DOCK10: variants seen among roughly 807,000 people sequenced by gnomAD.
The protein encoded by DOCK10 is dedicator of cytokinesis protein 10.
In DOCK10, 145 loss-of-function variants were observed where a neutral mutation model predicts 280.1. The ratio of observed to expected loss-of-function variants is 0.52; its 90% CI spans 0.45 to 0.59. The LOEUF (loss-of-function observed/expected upper bound fraction) is 0.59, where lower values mean the gene tolerates loss of function less well. Ranked by LOEUF, DOCK10 falls within the 20% of genes least tolerant of loss-of-function variation. DOCK10 has a pLI of 0.00. For synonymous variants in DOCK10, 915 were observed against 942.2 expected, an observed-to-expected ratio of 0.97 and a Z score of 0.53; for missense variants, 2,368 against 2,651.7, an observed-to-expected ratio of 0.89 and a Z score of 2.35.
At chr2:224,916,951 T>C (rs999604764) in intron 2 of DOCK10, among the ~76,000 whole-genome samples, 167 bp from the exon 3 acceptor site, 1 of 152,184 alleles carries the variant, frequency 6.6e-6, no homozygotes, top group Non-Finnish European at 1.5e-5. Flanking sequence ...GGAGAGAAGA[T>C]GTGGACATTT....
chr2:224,926,730 C>T (rs1702064670), intron 2 of DOCK10, among the ~76,000 whole-genome samples: 2 of 152,192 alleles, frequency 1.3e-5, no homozygotes, highest in South Asian at 4.1e-4. Context: ...TTACTTCATC[C>T]TCTTTGTTCT....
chr2:224,802,400 A>T (rs1374487101), intron 39 of DOCK10, among the ~76,000 whole-genome samples: 2 of 152,194 alleles, frequency 1.3e-5, no homozygotes, highest in African/African-American at 4.8e-5. Context: ...AAAGTACAAT[A>T]TTGTACAGCT....
intron 40 of DOCK10, among the ~76,000 whole-genome samples, chr2:224,800,990 G>A (rs1438680203): frequency 1.3e-5 from 2 of 152,126 alleles, no homozygotes; most frequent in African/African-American, 2.4e-5. Flanking sequence ...TCTGATTGGC[G>A]ATTGGTAGAA....
chr2:224,911,418 A>AGAATAGTCC (rs2125914350), intron 3 of DOCK10, among the ~76,000 whole-genome samples: 1 of 152,324 alleles, frequency 6.6e-6, no homozygotes, highest in Non-Finnish European at 1.5e-5. Flanking sequence ...TGGGAACCCT[A>AGAATAGTCC]GAATAGTCCT....
At chr2:224,872,210 T>C (rs1248864003) in intron 11 of DOCK10, among the ~76,000 whole-genome samples, 1 of 152,234 alleles carries the variant, frequency 6.6e-6, no homozygotes, top group African/African-American at 2.4e-5. Context: ...TATCAATAAC[T>C]TGCATGCAGT....
intron 16 of DOCK10, 92 bp downstream of exon 16, chr2:224,854,871 C>A (rs1697000901): frequency 4.4e-6 from 4 of 919,292 alleles, no homozygotes; most frequent in Non-Finnish European, 6.5e-6. Context: ...AACCAACCAA[C>A]CAACCAACCA....
intron 1 of DOCK10, among the ~76,000 whole-genome samples, chr2:225,034,651 T>C (rs1387722816): frequency 6.6e-6 from 1 of 152,198 alleles, no homozygotes; most frequent in Non-Finnish European, 1.5e-5. Flanking sequence ...ACCCCTCTTA[T>C]TTCCCAATAG....
intron 10 of DOCK10, 35 bp downstream of exon 10, chr2:224,874,231 A>G: frequency 6.2e-7 from 1 of 1,602,844 alleles, no homozygotes; most frequent in East Asian, 2.2e-5. Flanking sequence ...TGTATGGATC[A>G]AGTTCATATC....
intron 1 of DOCK10, among the ~76,000 whole-genome samples, chr2:225,037,590 C>T (rs1435196801): frequency 2.0e-5 from 3 of 152,200 alleles, no homozygotes; most frequent in African/African-American, 4.8e-5. Flanking sequence ...ACATGTTTAA[C>T]CCTATGAGTC....
intron 1 of DOCK10, among the ~76,000 whole-genome samples, chr2:224,959,414 A>C (rs1055150769): frequency 4.7e-5 from 7 of 149,792 alleles, no homozygotes; most frequent in East Asian, 2.0e-4. Context: ...ACCGGACCCC[A>C]AAAAATAAGC....
intron 1 of DOCK10, among the ~76,000 whole-genome samples, chr2:224,967,157 G>A (rs1704805353): frequency 6.7e-6 from 1 of 150,128 alleles, no homozygotes; most frequent in South Asian, 2.1e-4. Context: ...TCGGCTCACT[G>A]CAAGCTCCAC....
intron 4 of DOCK10, among the ~76,000 whole-genome samples, chr2:224,896,053 A>T (rs1157208258): frequency 6.6e-6 from 1 of 152,216 alleles, no homozygotes; most frequent in Non-Finnish European, 1.5e-5. Flanking sequence ...ATGATAAATG[A>T]ACGTCAAAAC....
intron 3 of DOCK10, among the ~76,000 whole-genome samples, chr2:224,898,222 G>A (rs543362955): frequency 2.6e-5 from 4 of 152,312 alleles, no homozygotes; most frequent in East Asian, 1.9e-4. Context: ...AACGCAGGGC[G>A]AGGGGACGGG....
intron 1 of DOCK10, among the ~76,000 whole-genome samples, chr2:225,005,490 A>C (rs1341585781): frequency 1.3e-5 from 2 of 152,244 alleles, no homozygotes; most frequent in Admixed American, 6.5e-5. Context: ...ATTACCTGTT[A>C]GTATATACTT....
intron 3 of DOCK10, among the ~76,000 whole-genome samples, chr2:224,911,926 A>G (rs62186348): frequency 0.59 from 89,341 of 151,974 alleles, 26,712 homozygotes; most frequent in Non-Finnish European, 0.64. Flanking sequence ...AGCCCAACAG[A>G]TGGAATCCTA....
At chr2:224,922,168 C>T (rs1701798523) in intron 2 of DOCK10, among the ~76,000 whole-genome samples, 2 of 149,180 alleles carry the variant, frequency 1.3e-5, no homozygotes, top group Admixed American at 1.3e-4. Context: ...CAAGTTTCCA[C>T]TTTAAAAACT....
intron 1 of DOCK10, among the ~76,000 whole-genome samples, chr2:224,987,962 A>G (rs1355474405): frequency 6.6e-6 from 1 of 152,194 alleles, no homozygotes; most frequent in Non-Finnish European, 1.5e-5. Flanking sequence ...CTAAGCCTCA[A>G]TAGTATCTGC....
At chr2:224,957,286 C>CCCCCG (rs1704094295) in intron 1 of DOCK10, among the ~76,000 whole-genome samples, 2 of 34,410 alleles carry the variant, frequency 5.8e-5, no homozygotes, top group African/African-American at 1.6e-4. Flanking sequence ...TTACTTTCCG[C>CCCCCG]CCCCCCCCGG....
rs200047747 is a variant in DOCK10 at position 224,801,979 on chromosome 2, T to G, written c.4330A>C (p.Ile1444Leu). ...TTAGAAAGTGCATTTTTGCCTCGAA[T>G]TATAGGTAAAGTTTGTGATCTGTGC... Reference protein sequence around the residue: ...KQHRSQTLPIIRGKNALSNPK... With the variant: ...KQHRSQTLPILRGKNALSNPK... The change falls in exon 40 of 56, where the codon ATT becomes CTT. Residue 1444 changes from isoleucine (I) to leucine (L), a missense_variant. Around this residue, in one of 2 missense-constraint regions of DOCK10, gnomAD observed 1,159 missense variants for 1,400.8 expected, o/e 0.83. Coordinates refer to ENST00000258390, the MANE Select transcript of DOCK10 (RefSeq NM_014689.3). The G allele has an allele frequency of 7.6e-5, 122 of 1,613,204 alleles. No homozygotes were observed. The African/African-American group carries it at 1.5e-3, about 20-fold the overall frequency.
Sources: allele counts gnomAD v4.1 joint callset (sites outside exome capture counted in the v4.1 genomes callset), GRCh38; gene constraint gnomAD v4.1.1; regional missense constraint gnomAD v4.1.1; transcripts MANE v1.5; gene names NCBI Gene and HGNC (gene_info 2026-07-23, HGNC 2026-07-21).